The following CMIP variants were observed in gnomAD, a reference collection of about 807,000 sequenced individuals.
CMIP encodes C-Maf-inducing protein.
CMIP carries 13 observed loss-of-function variants against 97.3 expected under a neutral mutation model. The ratio of observed to expected loss-of-function variants is 0.13; its 90% CI spans 0.09 to 0.21. The LOEUF is 0.21. Ranked by LOEUF, CMIP falls within the 10% of genes least tolerant of loss-of-function variation. The pLI, the probability that CMIP is intolerant of heterozygous loss-of-function variation, is 1.00. For missense variants in CMIP, 847 were observed against 1,024.9 expected, an observed-to-expected ratio of 0.83 and a Z score of 2.37; for synonymous variants, 538 against 436.3, an observed-to-expected ratio of 1.23 and a Z score of -2.91.
At chr16:81,585,027 A>G (rs1212885780) in intron 1 of CMIP, among the ~76,000 whole-genome samples, 2 of 152,240 alleles carry the variant, frequency 1.3e-5, no homozygotes, top group African/African-American at 4.8e-5. Flanking sequence ...TGAAATTCAC[A>G]TAATGTAAAA....
At chr16:81,567,914 C>T (rs940229428) in intron 1 of CMIP, among the ~76,000 whole-genome samples, 2 of 152,252 alleles carry the variant, frequency 1.3e-5, no homozygotes, top group East Asian at 1.9e-4. Flanking sequence ...GAAGCTTCCC[C>T]TAATGTTTCA....
chr16:81,658,425 G>A (rs1418641043), intron 5 of CMIP, among the ~76,000 whole-genome samples: 1 of 152,208 alleles, frequency 6.6e-6, no homozygotes, highest in African/African-American at 2.4e-5. Flanking sequence ...TCCCTAAGGA[G>A]TTCATCATCT....
intron 1 of CMIP, among the ~76,000 whole-genome samples, chr16:81,552,407 A>C (rs143216783): frequency 1.3e-5 from 2 of 152,316 alleles, no homozygotes; most frequent in Middle Eastern, 3.4e-3. Context: ...TCAGAAATCC[A>C]AAACAGATCC....
intron 2 of CMIP, 30 bp from the exon 3 acceptor site, chr16:81,620,846 G>C (rs16955675): frequency 0.024 from 39,436 of 1,613,514 alleles, 2,007 homozygotes; most frequent in East Asian, 0.2. Context: ...CTGATGACCG[G>C]ACCTTGCTGT....
intron 15 of CMIP, chr16:81,700,510 G>A (rs993067985): frequency 4.6e-5 from 7 of 152,482 alleles, no homozygotes; most frequent in African/African-American, 1.7e-4. Context: ...CCCTTGGAAG[G>A]CAGGCGGCAT....
intron 1 of CMIP, among the ~76,000 whole-genome samples, chr16:81,525,142 T>C (rs1038522743): frequency 1.3e-5 from 2 of 151,456 alleles, no homozygotes; most frequent in African/African-American, 4.9e-5. Context: ...TATTTTTATT[T>C]TATTTGTTTA....
At chr16:81,533,797 A>T (rs2090287726) in intron 1 of CMIP, 1 of 152,122 alleles carries the variant, frequency 6.6e-6, no homozygotes, top group South Asian at 2.1e-4. Flanking sequence ...TTATTTTTAC[A>T]ATCAGAGGGC....
At chr16:81,526,683 A>T (rs192613623) in intron 1 of CMIP, among the ~76,000 whole-genome samples, 2 of 152,362 alleles carry the variant, frequency 1.3e-5, no homozygotes, top group African/African-American at 4.8e-5. Flanking sequence ...CAGAGGCTTC[A>T]CCAGACTACC....
At chr16:81,543,535 T>C (rs2090488060) in intron 1 of CMIP, among the ~76,000 whole-genome samples, 1 of 151,502 alleles carries the variant, frequency 6.6e-6, no homozygotes, top group African/African-American at 2.4e-5. Context: ...GGAAGGGGGG[T>C]CAGGGTCGTG....
At chr16:81,565,461 C>T (rs376318546) in intron 1 of CMIP, among the ~76,000 whole-genome samples, 10 of 152,314 alleles carry the variant, frequency 6.6e-5, no homozygotes, top group African/African-American at 9.6e-5. Context: ...AACACAGGGC[C>T]GCCAGCTTCC....
chr16:81,467,850 G>T (rs1216866040), intron 1 of CMIP, among the ~76,000 whole-genome samples: 1 of 150,270 alleles, frequency 6.7e-6, no homozygotes, highest in Non-Finnish European at 1.5e-5. Flanking sequence ...CAAAGTCCTG[G>T]GATTATAGGT....
intron 1 of CMIP, among the ~76,000 whole-genome samples, chr16:81,524,382 G>T (rs550682743): frequency 1.0e-3 from 154 of 152,346 alleles, no homozygotes; most frequent in Non-Finnish European, 1.4e-3. Flanking sequence ...AGAATTATAA[G>T]TCTGAGTTCT....
intron 3 of CMIP, among the ~76,000 whole-genome samples, chr16:81,648,452 G>A (rs772756013): frequency 2.6e-5 from 4 of 152,098 alleles, no homozygotes; most frequent in Non-Finnish European, 4.4e-5. Context: ...TTTTCTGGCT[G>A]TGGGATCACT....
intron 1 of CMIP, among the ~76,000 whole-genome samples, chr16:81,568,558 A>G (rs778676169): frequency 6.6e-6 from 1 of 152,206 alleles, no homozygotes; most frequent in Non-Finnish European, 1.5e-5. Context: ...TGAAGGCCTG[A>G]TGGGGAGGAG....
intron 10 of CMIP, among the ~76,000 whole-genome samples, chr16:81,682,204 A>C (rs914180838): frequency 6.6e-6 from 1 of 151,658 alleles, no homozygotes. Flanking sequence ...ACTCCATCTC[A>C]ATAATAAAAG....
chr16:81,545,467 C>T (rs149383714), intron 1 of CMIP, among the ~76,000 whole-genome samples: 2 of 152,286 alleles, frequency 1.3e-5, no homozygotes, highest in African/African-American at 2.4e-5. Flanking sequence ...TCAGTAATAA[C>T]GTTTACTGAG....
chr16:81,545,626 C>T (rs777427767), intron 1 of CMIP, among the ~76,000 whole-genome samples: 13 of 152,180 alleles, frequency 8.5e-5, no homozygotes, highest in Non-Finnish European at 1.5e-4. Flanking sequence ...CCACACAGCA[C>T]GGGGCGGACC....
chr16:81,692,509 C>T (rs375883377), intron 11 of CMIP, among the ~76,000 whole-genome samples: 65 of 152,324 alleles, frequency 4.3e-4, no homozygotes, highest in African/African-American at 1.2e-3. Context: ...GAGCAAGCCT[C>T]GGGAGGCAGC....
chr16:81,518,012 C>T (rs964491818), intron 1 of CMIP: 2 of 506,848 alleles, frequency 3.9e-6, no homozygotes, highest in Non-Finnish European at 2.5e-6. Flanking sequence ...CTTTGCACTT[C>T]TCATGCCCCC....
Sources: allele counts gnomAD v4.1 joint callset (sites outside exome capture counted in the v4.1 genomes callset), GRCh38; gene constraint gnomAD v4.1.1; transcripts MANE v1.5; gene names NCBI Gene and HGNC (gene_info 2026-07-23, HGNC 2026-07-21).